Variants in TASP1 observed in about 807,000 individuals in gnomAD.
TASP1 encodes the protein threonine aspartase 1.
In TASP1, 16 loss-of-function variants were observed where a neutral mutation model predicts 56.6. The observed-to-expected ratio is 0.28, with a 90% CI of 0.19 to 0.43. The LOEUF is 0.43. Among genes scored for constraint, TASP1 ranks in the 20% least tolerant of loss-of-function variants. The probability of loss-of-function intolerance (pLI) is 1.00; values close to 1 mark genes in which losing one functional copy is unlikely to be tolerated. For missense variants in TASP1, 393 were observed against 511.6 expected (o/e 0.77, Z 2.24); for synonymous variants, 179 against 184.2 (o/e 0.97, Z 0.23).
At chr20:13,139,613 C>A in the TASP1 span, among the ~76,000 whole-genome samples, 8 of 152,156 alleles carry the variant, frequency 5.3e-5, no homozygotes. Flanking sequence ...TGCCCACATT[C>A]CATTGTTTGT....
chr20:13,225,452 A>G, the TASP1 span, among the ~76,000 whole-genome samples: 1 of 152,216 alleles, frequency 6.6e-6, no homozygotes. Flanking sequence ...CATACATTAT[A>G]TATACATAAT....
chr20:13,353,247 CAAAAA>C, the TASP1 span, among the ~76,000 whole-genome samples: 165 of 111,132 alleles, frequency 1.5e-3, no homozygotes, highest in African/African-American at 4.2e-3. Context: ...GATTTTGTCT[CAAAAA>C]AAAAAAAAAA....
intron 8 of TASP1, among the ~76,000 whole-genome samples, chr20:13,550,601 G>C (rs2045951626): frequency 6.6e-6 from 1 of 151,904 alleles, no homozygotes; most frequent in African/African-American, 2.4e-5. Context: ...TTCCTACTTT[G>C]GTTTACTCAT....
At chr20:13,557,542 C>T (rs1184808994) in intron 8 of TASP1, among the ~76,000 whole-genome samples, 1 of 139,436 alleles carries the variant, frequency 7.2e-6, no homozygotes, top group Admixed American at 7.2e-5. Flanking sequence ...AAATCATTTA[C>T]TCTATGCAAA....
At chr20:13,449,170 G>A (rs1322972491) in intron 11 of TASP1, among the ~76,000 whole-genome samples, 2 of 152,032 alleles carry the variant, frequency 1.3e-5, no homozygotes, top group Non-Finnish European at 2.9e-5. Flanking sequence ...TTTTGCTTCA[G>A]GAGGACTATG....
At chr20:13,136,898 T>A in the TASP1 span, among the ~76,000 whole-genome samples, 1 of 152,016 alleles carries the variant, frequency 6.6e-6, no homozygotes, top group Non-Finnish European at 1.5e-5. Flanking sequence ...TTAATTATCT[T>A]AGATATTATC....
chr20:13,292,134 T>C, the TASP1 span, among the ~76,000 whole-genome samples: 2 of 152,220 alleles, frequency 1.3e-5, no homozygotes, highest in Non-Finnish European at 1.5e-5. Context: ...AGTGAGTTCC[T>C]AGGACTTATT....
chr20:13,167,725 G>A, the TASP1 span: 2 of 152,160 alleles, frequency 1.3e-5, no homozygotes, highest in Non-Finnish European at 2.9e-5. Flanking sequence ...GAGACGACAG[G>A]CTTTGGAATT....
chr20:13,188,905 G>A, the TASP1 span, among the ~76,000 whole-genome samples: 1 of 152,146 alleles, frequency 6.6e-6, no homozygotes, highest in Non-Finnish European at 1.5e-5. Flanking sequence ...GCTGAGCATT[G>A]GCCAATCCCA....
chr20:13,451,699 C>T (rs192267476), intron 11 of TASP1, among the ~76,000 whole-genome samples: 121 of 152,178 alleles, frequency 8.0e-4, no homozygotes, highest in African/African-American at 2.8e-3. Context: ...TATCCCCATA[C>T]CAAGCTGTTT....
chr20:13,375,717 C>T, the TASP1 span, among the ~76,000 whole-genome samples: 1 of 152,160 alleles, frequency 6.6e-6, no homozygotes, highest in South Asian at 2.1e-4. Flanking sequence ...AAAAGCGTTC[C>T]TAATTCTCCA....
intron 8 of TASP1, among the ~76,000 whole-genome samples, chr20:13,553,067 C>T (rs1393569165): frequency 2.6e-5 from 4 of 152,076 alleles, no homozygotes; most frequent in East Asian, 1.9e-4. Context: ...TCCTGAGTAA[C>T]GGGGACTACA....
chr20:13,220,246 A>C, the TASP1 span, among the ~76,000 whole-genome samples: 26 of 152,194 alleles, frequency 1.7e-4, no homozygotes, highest in African/African-American at 6.0e-4. Flanking sequence ...TCACTTCGGT[A>C]AGGCGGGAGC....
intron 12 of TASP1, among the ~76,000 whole-genome samples, chr20:13,431,931 C>T (rs1410536005): frequency 6.6e-6 from 1 of 152,192 alleles, no homozygotes; most frequent in Non-Finnish European, 1.5e-5. Flanking sequence ...AGCAAGAAGG[C>T]CCTCATCACA....
the TASP1 span, chr20:13,299,195 C>T: frequency 6.2e-7 from 1 of 1,604,654 alleles, no homozygotes; most frequent in Non-Finnish European, 8.5e-7. The surrounding 1 kb of genome is among the most constrained non-coding windows in gnomAD (Gnocchi z 5.8). Context: ...CCCTGGAGAG[C>T]ACCACGCTGG....
intron 13 of TASP1, among the ~76,000 whole-genome samples, chr20:13,394,611 C>CA (rs200848729): frequency 0.036 from 5,083 of 142,878 alleles, 233 homozygotes; most frequent in African/African-American, 0.11. Context: ...GACTCTATCT[C>CA]AAAAAAAAAA....
At chr20:13,360,780 C>T in the TASP1 span, among the ~76,000 whole-genome samples, 30 of 152,324 alleles carry the variant, frequency 2.0e-4, no homozygotes, top group Admixed American at 5.9e-4. Context: ...ACAACTACCA[C>T]TGTTCCTGGC....
At chr20:13,628,929 G>A (rs1422790256) in intron 2 of TASP1, among the ~76,000 whole-genome samples, 1 of 152,172 alleles carries the variant, frequency 6.6e-6, no homozygotes. Flanking sequence ...AAAGATCACA[G>A]GCTGACACAG....
At chr20:13,573,777 G>A (rs531811211) in intron 6 of TASP1, among the ~76,000 whole-genome samples, 9 of 152,146 alleles carry the variant, frequency 5.9e-5, no homozygotes, top group East Asian at 5.8e-4. Flanking sequence ...GTTTTCAGAC[G>A]TTAAGACATT....
Sources: gnomAD v4.1 joint callset for allele counts (sites outside exome capture counted in the v4.1 genomes callset) on GRCh38, gnomAD v4.1.1 for gene constraint, Gnocchi (gnomAD v3.1) non-coding constraint, MANE v1.5 for transcripts, NCBI Gene and HGNC (gene_info 2026-07-23, HGNC 2026-07-21) for gene names.